Variants in HACE1 observed in about 807,000 individuals in gnomAD.
HACE1 encodes HECT domain and ankyrin repeat containing E3 ubiquitin protein ligase 1.
Under a neutral mutation model 118.4 loss-of-function variants are expected in HACE1, and 73 were observed. The observed-to-expected ratio is 0.62, with a 90% CI of 0.51 to 0.75. The LOEUF is 0.75. Ranked by LOEUF, HACE1 falls within the 30% of genes least tolerant of loss-of-function variation. The pLI, the probability that HACE1 is intolerant of heterozygous loss-of-function variation, is 0.00. For synonymous variants in HACE1, 368 were observed against 374.8 expected (o/e 0.98, Z 0.21); for missense variants, 749 against 1,102.2 (o/e 0.68, Z 4.54).
At position 104,814,494 on chromosome 6, in the gene HACE1, T is replaced by A. The variant is rs183652703; in HGVS notation, c.535-3101A>T. On this transcript the variant is annotated intron_variant, in intron 6 of 23. Transcript: ENST00000262903. ...TGTTTAACTATTTTATAAGATTTTT[T>A]AAATTATCTTCAATGCACCTTTTCT... Among the ~76,000 whole-genome samples the A allele has an allele frequency of 1.0e-4, 14 of 138,882 alleles. 3 individuals carry two copies. Among genetic ancestry groups the A allele is most frequent in the East Asian group, 4.3e-4 (2 of 4,690 alleles). 91.1% of individuals were successfully genotyped at this position (138,882 alleles called of 152,430 possible). A position where few individuals can be genotyped will look rare whatever the true frequency, so the allele number is the denominator to read the frequency against.
intron 5 of HACE1, among the ~76,000 whole-genome samples, chr6:104,842,707 A>T (rs1562493140): frequency 6.6e-6 from 1 of 152,234 alleles, no homozygotes; most frequent in Non-Finnish European, 1.5e-5. Context: ...CAAAATAAAC[A>T]AAAGTCATAA....
In HACE1 at chr6:104,807,168, C is replaced by T. The variant is rs145970519; in HGVS notation, c.617+4143G>A. ...CCTCTGGAGTAGCTGAGACTACAGG[C>T]GTGCGCCACAATGCCCAGCTAATTT... On this transcript the variant is annotated intron_variant, in intron 7 of 23. Transcript: ENST00000262903. Among the ~76,000 whole-genome samples the T allele has an allele frequency of 7.1e-3, 1,074 of 152,066 alleles. 10 individuals carry two copies. The highest frequency in any genetic ancestry group is 0.025 in the African/African-American group (1,031 of 41,474).
intron 19 of HACE1, among the ~76,000 whole-genome samples, chr6:104,763,822 G>A (rs769748683): frequency 3.9e-5 from 6 of 152,092 alleles, no homozygotes; most frequent in African/African-American, 7.2e-5. Flanking sequence ...GGCCGAGGTG[G>A]GCAGATCACT....
chr6:104,807,765 A>G (rs1004663302), intron 7 of HACE1, among the ~76,000 whole-genome samples: 42 of 152,324 alleles, frequency 2.8e-4, no homozygotes, highest in African/African-American at 9.6e-4. Flanking sequence ...AATTAGTTAT[A>G]TAGTTTACAT....
chr6:104,754,343 T>C (rs906610881), intron 19 of HACE1, among the ~76,000 whole-genome samples: 5 of 152,132 alleles, frequency 3.3e-5, no homozygotes, highest in African/African-American at 9.7e-5. Flanking sequence ...GGATATCATA[T>C]AGGAGAACTC....
chr6:104,733,590 C>A (rs1238459503), intron 22 of HACE1, among the ~76,000 whole-genome samples: 1 of 152,118 alleles, frequency 6.6e-6, no homozygotes, highest in Non-Finnish European at 1.5e-5. Context: ...CGGTGGCTCA[C>A]GCCTGTAATC....
chr6:104,805,454 C>G (rs547482040), intron 7 of HACE1, among the ~76,000 whole-genome samples: 325 of 152,216 alleles, frequency 2.1e-3, no homozygotes, highest in African/African-American at 7.5e-3. Flanking sequence ...GCAACCAACC[C>G]AAATGTCCAT....
chr6:104,810,548 C>T (rs1049844896), intron 7 of HACE1, among the ~76,000 whole-genome samples: 1 of 152,000 alleles, frequency 6.6e-6, no homozygotes, highest in Admixed American at 6.6e-5. Flanking sequence ...ACTACATTTA[C>T]ATAATACATA....
chr6:104,803,512 C>T (rs1010019679), intron 7 of HACE1, among the ~76,000 whole-genome samples: 1 of 152,110 alleles, frequency 6.6e-6, no homozygotes, highest in Non-Finnish European at 1.5e-5. Context: ...AAAGCTTATC[C>T]ACCACGATCA....
intron 5 of HACE1, among the ~76,000 whole-genome samples, chr6:104,836,761 G>A (rs1774581441): frequency 6.6e-6 from 1 of 152,122 alleles, no homozygotes; most frequent in Admixed American, 6.5e-5. Flanking sequence ...CAACATGACT[G>A]TCTATGTAGA....
At chr6:104,756,384 C>G (rs2114606876) in intron 19 of HACE1, among the ~76,000 whole-genome samples, 1 of 145,072 alleles carries the variant, frequency 6.9e-6, no homozygotes, top group South Asian at 2.2e-4. Flanking sequence ...TGCACCCCAG[C>G]CTGAGTGACA....
At chr6:104,777,144 A>C in intron 15 of HACE1, 34 bp from the exon 16 acceptor site, 1 of 1,559,398 alleles carries the variant, frequency 6.4e-7, no homozygotes, top group Non-Finnish European at 8.8e-7. Flanking sequence ...TTTACATATT[A>C]AAATTTATAA....
intron 22 of HACE1, among the ~76,000 whole-genome samples, chr6:104,736,881 G>A (rs1280309591): frequency 6.6e-6 from 1 of 152,034 alleles, no homozygotes; most frequent in East Asian, 1.9e-4. Context: ...ATGTATCTCT[G>A]AATAGTGGGA....
At chr6:104,770,696 G>A in intron 19 of HACE1, among the ~76,000 whole-genome samples, 1 of 152,326 alleles carries the variant, frequency 6.6e-6, no homozygotes, top group South Asian at 2.1e-4. Flanking sequence ...TCCAGCCTGG[G>A]TGACAGAGTG....
chr6:104,844,075 C>T (rs1407731043), intron 4 of HACE1, among the ~76,000 whole-genome samples: 2 of 125,298 alleles, frequency 1.6e-5, no homozygotes, highest in African/African-American at 6.2e-5. Flanking sequence ...GCTCTTGTTG[C>T]CCAGGCTGGA....
intron 6 of HACE1, among the ~76,000 whole-genome samples, chr6:104,817,739 CAAGA>C (rs1772269625): frequency 6.6e-6 from 1 of 152,130 alleles, no homozygotes; most frequent in Admixed American, 6.5e-5. Context: ...TTATTAACTT[CAAGA>C]AAAACAGCCA....
In HACE1 at chr6:104,851,015, G is replaced by C. The variant is rs917848543; in HGVS notation, c.132-19C>G. On this transcript the variant is annotated intron_variant, in intron 2 of 23. Coordinates refer to ENST00000262903, the MANE Select transcript of HACE1 (RefSeq NM_020771.4). ...AACAGACCTATGCCAAAATAAAAAT[G>C]AGGAATCAAGTGTAAAAAAAGTTTT... 5 of 1,408,820 alleles carry C rather than the reference G, an allele frequency of 3.5e-6. No individual in the cohort carries two copies. The African/African-American group carries it at 5.6e-5, about 16-fold the overall frequency. The allele number at this position is 1,408,820 out of a possible 1,614,324, so 87.3% of individuals were successfully genotyped here. A position where few individuals can be genotyped will look rare whatever the true frequency, so the allele number is the denominator to read the frequency against.
chr6:104,793,814 T>G (rs1282424516), intron 10 of HACE1, among the ~76,000 whole-genome samples: 2 of 152,156 alleles, frequency 1.3e-5, no homozygotes, highest in Non-Finnish European at 2.9e-5. Context: ...TACAATAAAT[T>G]CTAACTAATA....
intron 22 of HACE1, among the ~76,000 whole-genome samples, chr6:104,737,817 G>A (rs571035580): frequency 2.0e-5 from 3 of 152,220 alleles, no homozygotes; most frequent in Non-Finnish European, 4.4e-5. Context: ...GAACTGGGTG[G>A]AGCCCACCAC....
Sources: gnomAD v4.1 joint callset for allele counts (sites outside exome capture counted in the v4.1 genomes callset) on GRCh38, gnomAD v4.1.1 for gene constraint, MANE v1.5 for transcripts, NCBI Gene and HGNC (gene_info 2026-07-23, HGNC 2026-07-21) for gene names.